BCAR3: variants seen among roughly 807,000 people sequenced by gnomAD.
BCAR3 encodes BCAR3 adaptor protein, NSP family member.
A neutral mutation model predicts 80.1 loss-of-function variants in BCAR3; 37 were observed. The ratio of observed to expected loss-of-function variants is 0.46; its 90% confidence interval spans 0.36 to 0.61. BCAR3 has a LOEUF of 0.61. Ranked by LOEUF, BCAR3 falls within the 20% of genes least tolerant of loss-of-function variation. The probability of loss-of-function intolerance (pLI) is 0.00; values close to 1 mark genes in which losing one functional copy is unlikely to be tolerated. For missense variants in BCAR3, 978 were observed against 1,068.2 expected, an observed-to-expected ratio of 0.92 and a Z score of 1.18; for synonymous variants, 389 against 418.9, an observed-to-expected ratio of 0.93 and a Z score of 0.87.
chr1:93,616,238 G>A (rs549883198), intron 3 of BCAR3, among the ~76,000 whole-genome samples: 1 of 152,190 alleles, frequency 6.6e-6, no homozygotes, highest in Admixed American at 6.5e-5. Flanking sequence ...ATCTTATTAG[G>A]TAACTGTTTC....
At chr1:93,841,057 G>A (rs1654944177) in intron 2 of BCAR3, among the ~76,000 whole-genome samples, 1 of 152,028 alleles carries the variant, frequency 6.6e-6, no homozygotes, top group Non-Finnish European at 1.5e-5. Context: ...AAAGTACCTT[G>A]GGAATCCAGG....
chr1:93,779,528 TG>T (rs776743229), intron 2 of BCAR3, among the ~76,000 whole-genome samples: 1 of 152,126 alleles, frequency 6.6e-6, no homozygotes, highest in Non-Finnish European at 1.5e-5. Flanking sequence ...ATTTGGGTAT[TG>T]GGATCAGAGA....
At chr1:93,725,217 T>C (rs2100675392) in intron 2 of BCAR3, among the ~76,000 whole-genome samples, 1 of 152,332 alleles carries the variant, frequency 6.6e-6, no homozygotes, top group Non-Finnish European at 1.5e-5. Flanking sequence ...CATATAATAT[T>C]TCCTGGCACC....
intron 3 of BCAR3, among the ~76,000 whole-genome samples, chr1:93,625,555 C>A (rs1675433750): frequency 6.6e-6 from 1 of 152,146 alleles, no homozygotes; most frequent in Non-Finnish European, 1.5e-5. Context: ...GTACAAAAAG[C>A]TCTTTTGAGA....
intron 2 of BCAR3, among the ~76,000 whole-genome samples, chr1:93,761,694 T>C (rs755094918): frequency 1.3e-5 from 2 of 152,162 alleles, no homozygotes; most frequent in Non-Finnish European, 2.9e-5. Context: ...CCAGCATGAA[T>C]GTGGTCTTCT....
At chr1:93,681,975 C>G (rs1648802512), upstream of BCAR3, 1 of 152,160 alleles carries the variant, frequency 6.6e-6, no homozygotes, top group Non-Finnish European at 1.5e-5. Flanking sequence ...CTCCTCTGCC[C>G]GGATTTTAGA....
intron 3 of BCAR3, among the ~76,000 whole-genome samples, chr1:93,693,421 T>C (rs1420321098): frequency 6.6e-6 from 1 of 152,136 alleles, no homozygotes; most frequent in Non-Finnish European, 1.5e-5. Flanking sequence ...TTCATGAACA[T>C]GAAGGTGAGA....
At chr1:93,647,364 G>C (rs1383205265) in intron 2 of BCAR3, among the ~76,000 whole-genome samples, 1 of 152,142 alleles carries the variant, frequency 6.6e-6, no homozygotes, top group Non-Finnish European at 1.5e-5. Context: ...ACCAGAAAAG[G>C]TAAAATGTTC....
intron 3 of BCAR3, among the ~76,000 whole-genome samples, chr1:93,632,620 A>T (rs1239300917): frequency 6.6e-6 from 1 of 152,180 alleles, no homozygotes; most frequent in Admixed American, 6.5e-5. Context: ...TAGAATCTGT[A>T]CTCAATCCCA....
At chr1:93,721,787 G>C (rs1650412248) in intron 2 of BCAR3, among the ~76,000 whole-genome samples, 1 of 152,202 alleles carries the variant, frequency 6.6e-6, no homozygotes. Flanking sequence ...TGACAAAGTA[G>C]GGGAGGTGGC....
intron 4 of BCAR3, among the ~76,000 whole-genome samples, chr1:93,591,925 G>T (rs1001794127): frequency 6.6e-6 from 1 of 152,184 alleles, no homozygotes; most frequent in African/African-American, 2.4e-5. Context: ...CTGGCAGCTG[G>T]CCAAGAGTTC....
intron 6 of BCAR3, among the ~76,000 whole-genome samples, chr1:93,583,454 T>A (rs1213034271): frequency 2.0e-5 from 3 of 152,114 alleles, no homozygotes; most frequent in Non-Finnish European, 4.4e-5. Flanking sequence ...GGAAAATCCC[T>A]TTGTGGTCCC....
Position 93,562,542 on chromosome 1 carries a change from G to T in BCAR3, c.2300-123C>A, listed in dbSNP as rs1672731834. ...CCCAGCACTTTGGGAGGCCGAGGTGGGTGGATCACAAGATCAGGAGATCGA... is the reference window on the plus strand; with the variant it reads ...CCCAGCACTTTGGGAGGCCGAGGTGTGTGGATCACAAGATCAGGAGATCGA... On this transcript the variant is annotated intron_variant, in intron 11 of 11. Transcript: ENST00000260502. 5 of 737,142 alleles carry T rather than the reference G, an allele frequency of 6.8e-6. No homozygotes were observed. The South Asian group carries it at 1.0e-4, about 15-fold the overall frequency. The allele number at this position is 737,142 out of a possible 1,614,324, so 45.7% of individuals were successfully genotyped here. A position where few individuals can be genotyped will look rare whatever the true frequency, so the allele number is the denominator to read the frequency against.
intron 2 of BCAR3, among the ~76,000 whole-genome samples, chr1:93,671,095 C>T (rs780397643): frequency 9.2e-5 from 14 of 152,150 alleles, no homozygotes; most frequent in Non-Finnish European, 1.9e-4. Context: ...CAGGTTCAAG[C>T]GATTCTCTTG....
intron 3 of BCAR3, among the ~76,000 whole-genome samples, chr1:93,705,067 T>C (rs1162773572): frequency 6.6e-6 from 1 of 152,206 alleles, no homozygotes; most frequent in East Asian, 1.9e-4. Flanking sequence ...CCAATGATCT[T>C]CCTAGACTGG....
intron 2 of BCAR3, among the ~76,000 whole-genome samples, chr1:93,832,595 A>G (rs1654606631): frequency 6.6e-6 from 1 of 152,166 alleles, no homozygotes; most frequent in Admixed American, 6.5e-5. Flanking sequence ...TAACTCTTAC[A>G]GTGGAAGGTA....
intron 3 of BCAR3, among the ~76,000 whole-genome samples, chr1:93,703,727 C>A (rs1421148251): frequency 1.3e-5 from 2 of 152,150 alleles, no homozygotes; most frequent in African/African-American, 4.8e-5. Flanking sequence ...CCCACAAAGA[C>A]CCAGATATTC....
chr1:93,589,028 A>G lies in BCAR3; in HGVS notation c.878T>C (p.Met293Thr), dbSNP rs1674061881. ...PDVAKRLSLT[M>T]GGVQAREQNL... The stretch of plus-strand genomic sequence containing the variant: ...CTGCTCTCGGGCCTGGACGCCACCC[A>G]TGGTGAGGCTCAGCCTCTTGGCCAC... Residue 293 changes from methionine to threonine, a missense_variant, in exon 5 of 12, where the codon ATG (methionine) becomes ACG (threonine). Coordinates refer to ENST00000260502, the MANE Select transcript of BCAR3 (RefSeq NM_003567.4). 4 of 1,604,498 alleles carry G rather than the reference A, an allele frequency of 2.5e-6. No individual in the cohort carries two copies. The highest frequency in any genetic ancestry group is 1.7e-4 in the Middle Eastern group (1 of 5,964).
chr1:93,665,949 T>A (rs1297419088), intron 2 of BCAR3, among the ~76,000 whole-genome samples: 1 of 152,144 alleles, frequency 6.6e-6, no homozygotes, highest in Non-Finnish European at 1.5e-5. Context: ...TCAGCAGATA[T>A]GGCAGACTGT....
Sources: gnomAD v4.1 joint callset for allele counts (sites outside exome capture counted in the v4.1 genomes callset) on GRCh38, gnomAD v4.1.1 for gene constraint, MANE v1.5 for transcripts, NCBI Gene and HGNC (gene_info 2026-07-23, HGNC 2026-07-21) for gene names.